ANO3: variants seen among roughly 807,000 people sequenced by gnomAD.
The protein encoded by ANO3 is anoctamin-3.
In ANO3, 99 loss-of-function variants were observed where a neutral mutation model predicts 144.8. That is an observed-to-expected ratio of 0.68 (90% CI 0.58 to 0.81). The LOEUF (loss-of-function observed/expected upper bound fraction) is 0.81, where lower values mean the gene tolerates loss of function less well. ANO3 is among the 30% of genes least tolerant of loss of function. ANO3 has a pLI of 0.00. For missense variants in ANO3, 905 were observed against 1,202.2 expected (o/e 0.75, Z 3.66); for synonymous variants, 414 against 392.6 (o/e 1.05, Z -0.64).
At chr11:26,324,233 T>G (rs1050594364) in intron 1 of ANO3, among the ~76,000 whole-genome samples, 3 of 152,198 alleles carry the variant, frequency 2.0e-5, no homozygotes, top group Non-Finnish European at 4.4e-5. Flanking sequence ...TTGAAAAGTT[T>G]TGACATATTT....
chr11:26,437,311 A>C (rs1010640984), intron 1 of ANO3, among the ~76,000 whole-genome samples: 1 of 152,234 alleles, frequency 6.6e-6, no homozygotes, highest in African/African-American at 2.4e-5. Context: ...GAGACTCCAC[A>C]TAGCTCTGCC....
intron 1 of ANO3, among the ~76,000 whole-genome samples, chr11:26,312,190 C>A (rs187897767): frequency 6.6e-6 from 1 of 152,218 alleles, no homozygotes; most frequent in African/African-American, 2.4e-5. Context: ...TTTTTTATGG[C>A]TGCATAGTAT....
chr11:26,266,432 A>ATTTT (rs201955022), intron 1 of ANO3, among the ~76,000 whole-genome samples: 9 of 134,264 alleles, frequency 6.7e-5, no homozygotes, highest in Non-Finnish European at 1.4e-4. Context: ...AACAAATGTA[A>ATTTT]TTTTTTTTTT....
intron 1 of ANO3, among the ~76,000 whole-genome samples, chr11:26,279,307 C>A (rs1853626338): frequency 6.6e-6 from 1 of 152,106 alleles, no homozygotes; most frequent in Non-Finnish European, 1.5e-5. Context: ...TATTCCAACA[C>A]AAATAGTGCA....
At chr11:26,193,202 C>T (rs540309549) in intron 1 of ANO3, among the ~76,000 whole-genome samples, 27 of 138,428 alleles carry the variant, frequency 2.0e-4, no homozygotes, top group Admixed American at 1.5e-3. Context: ...AGTGCAATGG[C>T]GCCATCTCGG....
At chr11:26,595,113 G>A (rs146548070) in intron 14 of ANO3, among the ~76,000 whole-genome samples, 19 of 152,300 alleles carry the variant, frequency 1.2e-4, no homozygotes, top group African/African-American at 3.6e-4. Context: ...GTCCTAGAGC[G>A]TCCTCTATGG....
chr11:26,372,620 T>A (rs1363743764), intron 1 of ANO3, among the ~76,000 whole-genome samples: 1 of 152,210 alleles, frequency 6.6e-6, no homozygotes, highest in Admixed American at 6.5e-5. Context: ...ATTTATTGAT[T>A]TGCTAGGATG....
At chr11:26,301,196 A>G (rs1192881945) in intron 1 of ANO3, among the ~76,000 whole-genome samples, 2 of 152,058 alleles carry the variant, frequency 1.3e-5, no homozygotes, top group South Asian at 4.1e-4. Context: ...TTAATAAACT[A>G]TGGCAATCCC....
At chr11:26,283,278 T>G (rs1853718245) in intron 1 of ANO3, among the ~76,000 whole-genome samples, 1 of 139,612 alleles carries the variant, frequency 7.2e-6, no homozygotes, top group African/African-American at 2.6e-5. Flanking sequence ...CATTCACCAA[T>G]CTGTTAGCAT....
chr11:26,482,208 C>CT (rs898054765), intron 4 of ANO3, among the ~76,000 whole-genome samples: 181 of 150,798 alleles, frequency 1.2e-3, no homozygotes, highest in African/African-American at 3.6e-3. Flanking sequence ...TTTAGTGTTT[C>CT]TTTTTTTTTA....
In ANO3 at chr11:26,544,017, T is replaced by C. The variant is rs138167774; in HGVS notation, c.1154+1949T>C. On this transcript the variant is annotated intron_variant, in intron 11 of 26. Coordinates refer to ENST00000256737, the MANE Select transcript of ANO3 (RefSeq NM_031418.4). ...CACAAGAAATGATCAGATTTTATTTTATGCAGATGGGAGAATTATTTTAGA... is the reference window on the plus strand; with the variant it reads ...CACAAGAAATGATCAGATTTTATTTCATGCAGATGGGAGAATTATTTTAGA... Among the ~76,000 whole-genome samples, 937 of 151,724 alleles carry C rather than the reference T, an allele frequency of 6.2e-3. 6 individuals carry two copies. Among genetic ancestry groups the C allele is most frequent in the African/African-American group, 0.021 (854 of 41,440 alleles).
At chr11:26,493,323 C>T (rs1046752576) in intron 4 of ANO3, among the ~76,000 whole-genome samples, 4 of 152,008 alleles carry the variant, frequency 2.6e-5, no homozygotes, top group Non-Finnish European at 5.9e-5. Flanking sequence ...GTTTCCATCC[C>T]TCTTTATTGA....
intron 1 of ANO3, among the ~76,000 whole-genome samples, chr11:26,388,874 T>C (rs550459163): frequency 5.9e-5 from 9 of 152,098 alleles, no homozygotes; most frequent in Non-Finnish European, 1.2e-4. Context: ...CCTAAATCCC[T>C]GTACACACGT....
At chr11:26,625,589 A>G (rs1246471495) in intron 18 of ANO3, among the ~76,000 whole-genome samples, 2 of 152,102 alleles carry the variant, frequency 1.3e-5, no homozygotes, top group Non-Finnish European at 2.9e-5. Flanking sequence ...TTAAGCTAAT[A>G]ATGGCCACTT....
chr11:26,204,873 G>C (rs1419950768), intron 1 of ANO3, among the ~76,000 whole-genome samples: 1 of 152,088 alleles, frequency 6.6e-6, no homozygotes, highest in Non-Finnish European at 1.5e-5. Flanking sequence ...GGAATAATTT[G>C]TACCTTGTGT....
chr11:26,316,485 A>G (rs1421883135), intron 1 of ANO3, among the ~76,000 whole-genome samples: 3 of 152,218 alleles, frequency 2.0e-5, no homozygotes, highest in Non-Finnish European at 2.9e-5. Context: ...ACAGAAACAC[A>G]GTCTATCCAT....
intron 14 of ANO3, among the ~76,000 whole-genome samples, chr11:26,590,090 T>C (rs925155634): frequency 6.6e-6 from 1 of 152,152 alleles, no homozygotes; most frequent in African/African-American, 2.4e-5. Context: ...AGAGAATAGA[T>C]GATGCTTTGA....
chr11:26,386,129 A>G (rs1228784226), intron 1 of ANO3, among the ~76,000 whole-genome samples: 3 of 152,238 alleles, frequency 2.0e-5, no homozygotes, highest in Admixed American at 6.5e-5. Flanking sequence ...TCTTTGTGCT[A>G]CGAAGTGAGA....
intron 3 of ANO3, 143 bp downstream of exon 3, chr11:26,443,979 G>T (rs1473765588): frequency 6.3e-6 from 3 of 474,012 alleles, no homozygotes; most frequent in African/African-American, 4.0e-5. Flanking sequence ...ATATTCTGAG[G>T]TTAAGAAATT....
Sources: gnomAD v4.1 joint callset for allele counts (sites outside exome capture counted in the v4.1 genomes callset) on GRCh38, gnomAD v4.1.1 for gene constraint, MANE v1.5 for transcripts, NCBI Gene and HGNC (gene_info 2026-07-23, HGNC 2026-07-21) for gene names.